The following LRP1B variants were observed in gnomAD, a reference collection of about 807,000 sequenced individuals.
LRP1B encodes low-density lipoprotein receptor-related protein 1B.
In LRP1B, 217 loss-of-function variants were observed where a neutral mutation model predicts 556.6. The ratio of observed to expected loss-of-function variants is 0.39; its 90% CI spans 0.35 to 0.44. LRP1B has a LOEUF of 0.44. LRP1B is among the 20% of genes least tolerant of loss of function. The pLI is 1.00. For missense variants in LRP1B, 5,053 were observed against 5,620.8 expected (o/e 0.90, Z 3.23); for synonymous variants, 2,047 against 1,865.8 (o/e 1.10, Z -2.50).
At chr2:141,926,619 T>G (rs1245401938) in intron 1 of LRP1B, among the ~76,000 whole-genome samples, 1 of 152,174 alleles carries the variant, frequency 6.6e-6, no homozygotes, top group Non-Finnish European at 1.5e-5. Context: ...AGGATTAACT[T>G]GATAGCCCAT....
chr2:140,906,852 A>G (rs937821195), intron 22 of LRP1B, among the ~76,000 whole-genome samples: 1 of 151,480 alleles, frequency 6.6e-6, no homozygotes, highest in Non-Finnish European at 1.5e-5. Context: ...AAGTTCTTTT[A>G]TTTGTTCTTA....
intron 18 of LRP1B, among the ~76,000 whole-genome samples, chr2:140,957,014 G>A (rs985704348): frequency 4.0e-5 from 6 of 151,652 alleles, no homozygotes; most frequent in African/African-American, 9.7e-5. Context: ...TAGGCACTAG[G>A]AATACAATAT....
intron 41 of LRP1B, among the ~76,000 whole-genome samples, chr2:140,656,669 G>A (rs1310494681): frequency 6.6e-6 from 1 of 152,078 alleles, no homozygotes; most frequent in Non-Finnish European, 1.5e-5. Context: ...ATGTGCAAGT[G>A]TATGTCTGTG....
intron 2 of LRP1B, among the ~76,000 whole-genome samples, chr2:141,750,884 G>A (rs7563619): frequency 0.11 from 16,919 of 152,014 alleles, 1,254 homozygotes; most frequent in African/African-American, 0.21. Flanking sequence ...TTATTGAGCT[G>A]AAAAGAGTAG....
intron 41 of LRP1B, among the ~76,000 whole-genome samples, chr2:140,659,999 G>A (rs1685032973): frequency 2.0e-5 from 3 of 152,010 alleles, no homozygotes; most frequent in African/African-American, 4.8e-5. Flanking sequence ...GGAGAAAAAT[G>A]TATATTCTAT....
At chr2:140,308,684 A>C (rs1684167707) in intron 83 of LRP1B, among the ~76,000 whole-genome samples, 1 of 151,836 alleles carries the variant, frequency 6.6e-6, no homozygotes, top group South Asian at 2.1e-4. Context: ...ATGTATATAC[A>C]TGATTTTTTA....
intron 12 of LRP1B, among the ~76,000 whole-genome samples, chr2:141,016,789 A>T (rs1697912688): frequency 6.6e-6 from 1 of 152,052 alleles, no homozygotes; most frequent in African/African-American, 2.4e-5. Context: ...CAGTCATCTC[A>T]TATACAACTT....
At chr2:142,102,287 A>ATTAAATG (rs2104971380) in intron 1 of LRP1B, among the ~76,000 whole-genome samples, 1 of 151,946 alleles carries the variant, frequency 6.6e-6, no homozygotes, top group African/African-American at 2.4e-5. Context: ...CTAATTCCTC[A>ATTAAATG]TTAAATGCCT....
Position 140,956,183 on chromosome 2 carries a change from T to C in LRP1B, c.2888-4243A>G, listed in dbSNP as rs548583026. 6.6e-5 allele frequency among the ~76,000 whole-genome samples: 10 copies of C among 151,922 alleles called. No homozygotes were observed. In the South Asian group the frequency reaches 1.9e-3, roughly 28 times the overall value. ...ATATATTACCAATACACTGATACTC[T>C]TGACAATATCCCTGCAATTGTTAAC... On this transcript the variant is annotated intron_variant, in intron 18 of 90. Coordinates refer to ENST00000389484, the MANE Select transcript of LRP1B (RefSeq NM_018557.3).
intron 6 of LRP1B, among the ~76,000 whole-genome samples, chr2:141,200,878 T>C (rs1165234089): frequency 6.6e-6 from 1 of 152,166 alleles, no homozygotes; most frequent in Non-Finnish European, 1.5e-5. Flanking sequence ...TACATACTTG[T>C]ATTTTTGCAA....
chr2:140,828,157 T>A (rs1288337920), intron 31 of LRP1B, among the ~76,000 whole-genome samples: 1 of 151,800 alleles, frequency 6.6e-6, no homozygotes, highest in East Asian at 1.9e-4. Flanking sequence ...GATGCTAATA[T>A]ACAAAAAGAA....
At chr2:140,444,275 G>C in intron 65 of LRP1B, 55 bp downstream of exon 65, 2 of 1,593,448 alleles carry the variant, frequency 1.3e-6, no homozygotes, top group Non-Finnish European at 1.7e-6. Context: ...CTAATTTTTA[G>C]ACTTATTTTA....
chr2:141,080,400 G>A (rs1191031770), intron 7 of LRP1B, among the ~76,000 whole-genome samples: 2 of 152,086 alleles, frequency 1.3e-5, no homozygotes, highest in African/African-American at 4.8e-5. Flanking sequence ...TTTGGTTCCA[G>A]CCCTGTGAGC....
intron 3 of LRP1B, among the ~76,000 whole-genome samples, chr2:141,394,208 A>G (rs1207950060): frequency 3.3e-5 from 5 of 152,136 alleles, no homozygotes. Context: ...ATAAAGTTCA[A>G]TTTTTACTTT....
intron 7 of LRP1B, among the ~76,000 whole-genome samples, chr2:141,122,868 A>G (rs1485792201): frequency 6.6e-6 from 1 of 152,164 alleles, no homozygotes; most frequent in Non-Finnish European, 1.5e-5. Context: ...CAACAATGAT[A>G]GACTGGATTA....
chr2:140,856,089 C>A (rs1692609806), intron 27 of LRP1B, among the ~76,000 whole-genome samples: 1 of 152,152 alleles, frequency 6.6e-6, no homozygotes, highest in African/African-American at 2.4e-5. Context: ...ATACCCACCT[C>A]TCTTTCAAAA....
chr2:141,804,277 GAGA>G (rs1222341839), intron 2 of LRP1B, among the ~76,000 whole-genome samples: 1 of 152,110 alleles, frequency 6.6e-6, no homozygotes, highest in African/African-American at 2.4e-5. Context: ...TAGAAGGGGA[GAGA>G]AGGATTATAA....
intron 5 of LRP1B, among the ~76,000 whole-genome samples, chr2:141,238,992 C>T (rs980880755): frequency 3.9e-5 from 6 of 152,002 alleles, no homozygotes; most frequent in Non-Finnish European, 8.8e-5. Context: ...GAGTCTCAGT[C>T]TCTTTATATT....
intron 1 of LRP1B, among the ~76,000 whole-genome samples, chr2:141,950,192 G>A (rs538797564): frequency 5.3e-4 from 81 of 152,104 alleles, no homozygotes; most frequent in African/African-American, 1.9e-3. Context: ...GCTTTAAAAT[G>A]TTAAATATTT....
Sources: allele counts gnomAD v4.1 joint callset (sites outside exome capture counted in the v4.1 genomes callset), GRCh38; gene constraint gnomAD v4.1.1; transcripts MANE v1.5; gene names NCBI Gene and HGNC (gene_info 2026-07-23, HGNC 2026-07-21).